B3GALNT1: variants seen among roughly 807,000 people sequenced by gnomAD.
B3GALNT1 encodes the protein beta-1,3-N-acetylgalactosaminyltransferase 1 (Globoside blood group), also known as UDP-GalNAc:beta-1,3-N-acetylgalactosaminyltransferase 1.
In B3GALNT1, 17 loss-of-function variants were observed where a neutral mutation model predicts 27.3. The observed-to-expected ratio is 0.62, with a 90% CI of 0.43 to 0.94. The LOEUF is 0.94. Ranked by LOEUF, B3GALNT1 falls within the 40% of genes least tolerant of loss-of-function variation. B3GALNT1 has a pLI of 0.00. For missense variants in B3GALNT1, 347 were observed against 390.0 expected (o/e 0.89, Z 0.93); for synonymous variants, 141 against 144.0 (o/e 0.98, Z 0.15).
At chr3:161,096,665 T>C (rs1421315277) in intron 4 of B3GALNT1, among the ~76,000 whole-genome samples, 1 of 152,220 alleles carries the variant, frequency 6.6e-6, no homozygotes, top group Non-Finnish European at 1.5e-5. Context: ...TACCATTCAA[T>C]TAGACTTGTC....
At chr3:161,093,520 C>G (rs910283454) in intron 4 of B3GALNT1, among the ~76,000 whole-genome samples, 3 of 152,074 alleles carry the variant, frequency 2.0e-5, no homozygotes. Flanking sequence ...AGGACCCCGA[C>G]ACTGTTCTAA....
Position 161,084,139 on chromosome 3 carries a change from T to C in B3GALNT1, c.*1620A>G, listed in dbSNP as rs1720639826. ...TATATGTCATTATGCAGTACATAAC[T>C]GTAATCTTCTGCAAAACCAGTCAAA... On this transcript the variant is annotated 3_prime_UTR_variant, in exon 5 of 5. Transcript: ENST00000320474. 6.7e-6 allele frequency: 1 copy of C among 148,906 alleles called. No individual in the cohort carries two copies. Among genetic ancestry groups the C allele is most frequent in the Non-Finnish European group, 1.5e-5 (1 of 68,026 alleles). The allele number at this position is 148,906 out of a possible 1,614,324, so 9.2% of individuals were successfully genotyped here.
intron 4 of B3GALNT1, among the ~76,000 whole-genome samples, chr3:161,099,495 C>T (rs1730018967): frequency 6.6e-6 from 1 of 152,060 alleles, no homozygotes; most frequent in South Asian, 2.1e-4. Context: ...GAGTATGAGT[C>T]CAATATGATA....
Position 161,104,393 on chromosome 3 carries a change from T to C in B3GALNT1, c.-295A>G. ...CTTTTCCCACAACGCAGCCACCTCC[T>C]AAACGCAGGCAATCTGTGCAAAACG... On this transcript the variant is annotated 5_prime_UTR_variant, in exon 2 of 5. An upstream open reading frame in the 5' UTR loses its in-frame stop. Coordinates refer to ENST00000320474, the MANE Select transcript of B3GALNT1 (RefSeq NM_003781.4). 2 of 1,282,816 alleles carry C rather than the reference T, an allele frequency of 1.6e-6. No homozygotes were observed. Among genetic ancestry groups the C allele is most frequent in the Non-Finnish European group, 2.0e-6 (2 of 984,178 alleles). 79.5% of individuals were successfully genotyped at this position (1,282,816 alleles called of 1,614,324 possible).
chr3:161,101,547 C>T (rs1731275186), intron 3 of B3GALNT1, among the ~76,000 whole-genome samples: 1 of 152,154 alleles, frequency 6.6e-6, no homozygotes, highest in South Asian at 2.1e-4. Flanking sequence ...CAAGCCCTGT[C>T]CTCAAGTTGC....
At chr3:161,092,763 C>CTTTTTTTTTT (rs33946641) in intron 4 of B3GALNT1, among the ~76,000 whole-genome samples, 102 of 104,826 alleles carry the variant, frequency 9.7e-4, no homozygotes, top group African/African-American at 1.9e-3. Flanking sequence ...TTTCATTTTT[C>CTTTTTTTTTT]TTTTTTTTTT....
At chr3:161,087,767 A>G (rs1043856800) in intron 4 of B3GALNT1, among the ~76,000 whole-genome samples, 5 of 152,220 alleles carry the variant, frequency 3.3e-5, no homozygotes, top group African/African-American at 9.7e-5. Flanking sequence ...CACCATGAGC[A>G]TAGACTTCAG....
Position 161,085,981 on chromosome 3 carries a change from A to T in B3GALNT1, c.774T>A (p.Gly258=), listed in dbSNP as rs1287762522. The part of the protein sequence containing the change: ...DLVPRIYEMM[G]HVKPIKFEDV... ...CTTCAAACTTGATGGGTTTTACGTG[A>T]CCCATCATTTCATAGATCCTTGGCA... is the stretch of plus-strand genomic sequence containing the variant. The change falls in exon 5 of 5, where the codon GGT becomes GGA. Residue 258 remains glycine (G), a synonymous_variant. Coordinates refer to ENST00000320474, the MANE Select transcript of B3GALNT1 (RefSeq NM_003781.4). The T allele has an allele frequency of 6.3e-7, 1 of 1,589,420 alleles. No individual in the cohort carries two copies. The highest frequency in any genetic ancestry group is 8.6e-7 in the Non-Finnish European group (1 of 1,169,038).
In B3GALNT1 at chr3:161,086,773, A is replaced by G. The variant is rs377470132; in HGVS notation, c.-19T>C. On this transcript the variant is annotated 5_prime_UTR_variant, in exon 5 of 5. Transcript: ENST00000320474. ...AGGCCATCCACAGCAGCTCAGAAGC[A>G]CGCGAGCCGAAGGTTCTGGAAGAGT... 2.5e-3 allele frequency: 3,998 copies of G among 1,613,280 alleles called. 102 individuals carry two copies. The South Asian group carries it at 0.037, about 15-fold the overall frequency.
At chr3:161,098,887 T>C (rs1320888768) in intron 4 of B3GALNT1, among the ~76,000 whole-genome samples, 2 of 152,158 alleles carry the variant, frequency 1.3e-5, no homozygotes, top group African/African-American at 4.8e-5. Context: ...CTAAGCCCCA[T>C]TTTCAATAGG....
intron 4 of B3GALNT1, among the ~76,000 whole-genome samples, chr3:161,088,311 G>C (rs1354153200): frequency 1.3e-5 from 2 of 152,104 alleles, no homozygotes; most frequent in Non-Finnish European, 2.9e-5. Flanking sequence ...TAATGTTTTA[G>C]CAAACTCTCT....
At chr3:161,097,718 C>T (rs1173785354) in intron 4 of B3GALNT1, among the ~76,000 whole-genome samples, 2 of 152,166 alleles carry the variant, frequency 1.3e-5, no homozygotes, top group African/African-American at 4.8e-5. Flanking sequence ...GGGAACCACT[C>T]ACACTGTCAA....
intron 4 of B3GALNT1, among the ~76,000 whole-genome samples, chr3:161,100,289 A>C (rs1013777295): frequency 4.6e-5 from 7 of 152,208 alleles, no homozygotes; most frequent in Non-Finnish European, 1.0e-4. Flanking sequence ...TACTGAGTTT[A>C]AGAAAAAAGC....
chr3:161,087,176 T>C (rs1305786358), intron 4 of B3GALNT1, among the ~76,000 whole-genome samples: 1 of 152,194 alleles, frequency 6.6e-6, no homozygotes, highest in Admixed American at 6.5e-5. Context: ...GTATCTCCTC[T>C]TTATAACTAT....
chr3:161,086,837 T>C lies in B3GALNT1; in HGVS notation c.-34-49A>G, dbSNP rs564920869. 1,824 of 1,542,234 alleles carry C rather than the reference T, an allele frequency of 1.2e-3. 6 individuals are homozygous for C. The highest frequency in any genetic ancestry group is 1.4e-3 in the Non-Finnish European group (1,566 of 1,134,754). Reference sequence around the variant, plus strand: ...GTTAATATTCCACACCGAAAACACATTTTCAAAAGACATCTGACTATCTAC... The same window carrying C: ...GTTAATATTCCACACCGAAAACACACTTTCAAAAGACATCTGACTATCTAC... On this transcript the variant is annotated intron_variant, in intron 4 of 4. Transcript: ENST00000320474.
chr3:161,103,540 AT>A, intron 2 of B3GALNT1, 23 bp from the exon 3 acceptor site: 1 of 1,004,620 alleles, frequency 1.0e-6, no homozygotes, highest in Non-Finnish European at 1.3e-6. Context: ...ACAGAAAAAA[AT>A]ATATATGAGT....
At chr3:161,097,464 G>A (rs986519537) in intron 4 of B3GALNT1, among the ~76,000 whole-genome samples, 1 of 152,070 alleles carries the variant, frequency 6.6e-6, no homozygotes, top group African/African-American at 2.4e-5. Flanking sequence ...ATAAATCTTA[G>A]TGGATCCACC....
At chr3:161,104,206 C>T (rs1733041310) in intron 2 of B3GALNT1, 113 bp downstream of exon 2, 1 of 725,856 alleles carries the variant, frequency 1.4e-6, no homozygotes, top group Non-Finnish European at 2.0e-6. Flanking sequence ...TATCAGGCAT[C>T]GACACATGCA....
chr3:161,089,910 A>T lies in B3GALNT1; in HGVS notation c.-34-3122T>A, dbSNP rs531319402. 8.9e-5 allele frequency: 15 copies of T among 169,144 alleles called. No homozygotes were observed. In the East Asian group the frequency reaches 2.8e-3, roughly 31 times the overall value. The allele number at this position is 169,144 out of a possible 1,614,324, so 10.5% of individuals were successfully genotyped here. ...ATGGCAAAACCCCATCTCTACTAAAAACACAAAAATTAGCCAGGCATGGTG... is the reference window on the plus strand; with the variant it reads ...ATGGCAAAACCCCATCTCTACTAAATACACAAAAATTAGCCAGGCATGGTG... On this transcript the variant is annotated intron_variant, in intron 4 of 4. Coordinates refer to ENST00000320474, the MANE Select transcript of B3GALNT1 (RefSeq NM_003781.4).
Sources: allele counts gnomAD v4.1 joint callset (sites outside exome capture counted in the v4.1 genomes callset), GRCh38; gene constraint gnomAD v4.1.1; transcripts MANE v1.5; gene names NCBI Gene and HGNC (gene_info 2026-07-23, HGNC 2026-07-21).